APLP2: variants seen among roughly 807,000 people sequenced by gnomAD.
APLP2 encodes CDEI box-binding protein.
Under a neutral mutation model 89.9 loss-of-function variants are expected in APLP2, and 53 were observed. That is an observed-to-expected ratio of 0.59 (90% confidence interval 0.47 to 0.74). The LOEUF (loss-of-function observed/expected upper bound fraction) is 0.74, where lower values mean the gene tolerates loss of function less well. APLP2 is among the 30% of genes least tolerant of loss of function. The pLI, the probability that APLP2 is intolerant of heterozygous loss-of-function variation, is 0.00. For missense variants in APLP2, 973 were observed against 975.9 expected, an observed-to-expected ratio of 1.00 and a Z score of 0.04; for synonymous variants, 372 against 348.6, an observed-to-expected ratio of 1.07 and a Z score of -0.75.
chr11:130,137,737 C>T (rs1951800820), intron 13 of APLP2, among the ~76,000 whole-genome samples: 1 of 152,096 alleles, frequency 6.6e-6, no homozygotes, highest in Admixed American at 6.5e-5. Context: ...CTTTTTGGCT[C>T]TCCTCGCCCT....
At chr11:130,095,242 C>A (rs1946040904) in intron 1 of APLP2, among the ~76,000 whole-genome samples, 1 of 152,186 alleles carries the variant, frequency 6.6e-6, no homozygotes, top group African/African-American at 2.4e-5. Flanking sequence ...TGTGGTGTGG[C>A]ATGTCTGTAG....
At position 130,141,364 on chromosome 11, in the gene APLP2, T is replaced by C. The variant is rs1952362752; in HGVS notation, c.1924-134T>C. ...TGGATTTGGAAGGCTGTGACAGAAC[T>C]GGTTGGTTAATGGGGGTCCCACAGG... On this transcript the variant is annotated intron_variant, in intron 14 of 16. Transcript: ENST00000338167. The surrounding 1 kb of genome is among the most constrained non-coding windows in gnomAD (Gnocchi z 4.2). The C allele has an allele frequency of 4.4e-6, 3 of 686,752 alleles. No homozygotes were observed. In the Admixed American group the frequency reaches 6.9e-5, roughly 16 times the overall value. 42.5% of individuals were successfully genotyped at this position (686,752 alleles called of 1,614,324 possible).
chr11:130,109,627 A>C, intron 2 of APLP2, 25 bp downstream of exon 2: 1 of 1,593,686 alleles, frequency 6.3e-7, no homozygotes, highest in Non-Finnish European at 8.5e-7. Flanking sequence ...AGTAAGTTGA[A>C]AGTGTTATTT....
intron 1 of APLP2, among the ~76,000 whole-genome samples, chr11:130,081,805 T>G (rs1314271397): frequency 6.6e-6 from 1 of 152,236 alleles, no homozygotes; most frequent in African/African-American, 2.4e-5. Context: ...ACTGAACATG[T>G]ATGTTTCTCA....
intron 3 of APLP2, among the ~76,000 whole-genome samples, chr11:130,112,991 G>A (rs1044394783): frequency 6.6e-6 from 1 of 152,100 alleles, no homozygotes; most frequent in South Asian, 2.1e-4. Context: ...CTCAGGAGTT[G>A]CCTCCTTTAA....
chr11:130,110,738 G>T, intron 3 of APLP2, 77 bp downstream of exon 3: 1 of 1,481,522 alleles, frequency 6.7e-7, no homozygotes, highest in South Asian at 1.3e-5. Context: ...GGCTCACAGT[G>T]AAATATTTAC....
rs912414758 is a variant in APLP2 at position 130,140,450 on chromosome 11, G to A, written c.1890G>A (p.Val630=). 6.2e-7 allele frequency: 1 copy of A among 1,611,684 alleles called. No homozygotes were observed. The highest frequency in any genetic ancestry group is 8.5e-7 in the Non-Finnish European group (1 of 1,179,046). Residue 630 remains valine, a synonymous_variant, in exon 14 of 17, where the codon GTG becomes GTA. Coordinates refer to ENST00000338167, the MANE Select transcript of APLP2 (RefSeq NM_001142276.2). ...GACTGATCGGTGCCGAAGAGAAAGT[G>A]ATTAACAGTAAGAATAAAGTGGATG... ...DGGLIGAEEK[V]INSKNKVDEN... is the part of the protein sequence containing the mutation.
intron 13 of APLP2, among the ~76,000 whole-genome samples, chr11:130,139,938 G>A (rs1047325792): frequency 1.3e-5 from 2 of 152,254 alleles, no homozygotes; most frequent in South Asian, 4.1e-4. Context: ...GGTATTTGAG[G>A]CAGAATGAAT....
rs779964835 is a variant in APLP2, at chr11:130,120,830, C to T, written c.516+12C>T. ...CGGTAGTCAAAGAGGTAAGAGAACTCGGGGGGAAAGTCAGCTGCTGTTGTA... is the reference window on the plus strand; with the variant it reads ...CGGTAGTCAAAGAGGTAAGAGAACTTGGGGGGAAAGTCAGCTGCTGTTGTA... On this transcript the variant is annotated intron_variant, in intron 4 of 16. Coordinates refer to ENST00000338167, the MANE Select transcript of APLP2 (RefSeq NM_001142276.2). 18 of 1,589,388 alleles carry T rather than the reference C, an allele frequency of 1.1e-5. No individual in the cohort carries two copies. The East Asian group carries it at 1.6e-4, about 14-fold the overall frequency.
At chr11:130,087,648 G>A (rs947905271) in intron 1 of APLP2, among the ~76,000 whole-genome samples, 1 of 152,122 alleles carries the variant, frequency 6.6e-6, no homozygotes, top group Non-Finnish European at 1.5e-5. Context: ...ACCATGGCAG[G>A]TTTCAAGTGA....
intron 1 of APLP2, among the ~76,000 whole-genome samples, chr11:130,098,749 A>G (rs1946537071): frequency 6.6e-6 from 1 of 152,250 alleles, no homozygotes; most frequent in Non-Finnish European, 1.5e-5. Flanking sequence ...CTTAATGCAT[A>G]TAAAAACAAA....
In APLP2 at chr11:130,110,624, A is replaced by G. The variant is rs866931273; in HGVS notation, c.366A>G (p.Gln122=). The G allele has an allele frequency of 1.9e-6, 3 of 1,613,674 alleles. No homozygotes were observed. The highest frequency in any genetic ancestry group is 2.7e-5 in the African/African-American group (2 of 74,780). Residue 122 remains glutamine (Q), a synonymous_variant, in exon 3 of 17, where the codon CAA becomes CAG. Transcript: ENST00000338167. The part of the protein sequence containing the change: ...IDNWCRRDKK[Q]CKSRFVTPFK... The stretch of plus-strand genomic sequence containing the variant: ...ACTGGTGCCGGAGGGACAAAAAGCA[A>G]TGCAAGAGTCGCTTTGTTACACCTT...
intron 1 of APLP2, among the ~76,000 whole-genome samples, chr11:130,106,275 G>GT (rs1185148061): frequency 6.6e-6 from 1 of 152,126 alleles, no homozygotes; most frequent in Non-Finnish European, 1.5e-5. Context: ...CCTCATATCA[G>GT]TTATCACACC....
At chr11:130,070,172 G>A in intron 1 of APLP2, 90 bp downstream of exon 1, 1 of 873,586 alleles carries the variant, frequency 1.1e-6, no homozygotes, top group Non-Finnish European at 1.5e-6. Context: ...GCGGCAGGGC[G>A]GGCCGGCGGT....
intron 1 of APLP2, among the ~76,000 whole-genome samples, chr11:130,108,088 G>T (rs1948037102): frequency 6.6e-6 from 1 of 152,294 alleles, no homozygotes; most frequent in East Asian, 1.9e-4. Context: ...AGACTTAAAT[G>T]TTAGACTTAA....
chr11:130,077,568 C>G (rs945854097), intron 1 of APLP2, among the ~76,000 whole-genome samples: 3 of 151,824 alleles, frequency 2.0e-5, no homozygotes, highest in South Asian at 4.2e-4. Flanking sequence ...TGTCCAGCCC[C>G]CAGTTTTGTT....
intron 1 of APLP2, among the ~76,000 whole-genome samples, chr11:130,096,073 C>G (rs551489518): frequency 6.6e-6 from 1 of 152,300 alleles, no homozygotes; most frequent in South Asian, 2.1e-4. Context: ...CCACGGAATG[C>G]CCCTTTGAGC....
intron 3 of APLP2, among the ~76,000 whole-genome samples, chr11:130,116,405 T>C (rs1591816993): frequency 6.6e-6 from 1 of 152,370 alleles, no homozygotes; most frequent in East Asian, 1.9e-4. Context: ...CATTTAGGTT[T>C]GTTCTAGTTT....
intron 16 of APLP2, 129 bp from the exon 17 acceptor site, chr11:130,143,217 TC>T: frequency 1.3e-6 from 1 of 782,498 alleles, no homozygotes; most frequent in Non-Finnish European, 2.2e-6. Flanking sequence ...ATTTGGCCTG[TC>T]CGGTGGGAAC....
Sources: allele counts gnomAD v4.1 joint callset (sites outside exome capture counted in the v4.1 genomes callset), GRCh38; gene constraint gnomAD v4.1.1; non-coding constraint Gnocchi (gnomAD v3.1); transcripts MANE v1.5; gene names NCBI Gene and HGNC (gene_info 2026-07-23, HGNC 2026-07-21).